The following UPRT variants were observed in gnomAD, a reference collection of about 807,000 sequenced individuals.
UPRT encodes the protein RP11-311P8.3.
In UPRT, 5 loss-of-function variants were observed where a neutral mutation model predicts 22.6. That is an observed-to-expected ratio of 0.22 (90% CI 0.12 to 0.47). The LOEUF (loss-of-function observed/expected upper bound fraction) is 0.47. Ranked by LOEUF, UPRT falls within the 20% of genes least tolerant of loss-of-function variation. UPRT has a pLI of 0.99. For synonymous variants in UPRT, 77 were observed against 87.7 expected (o/e 0.88, Z 0.68); for missense variants, 181 against 239.9 (o/e 0.75, Z 1.62).
chrX:75,303,538 T>C lies in UPRT; in HGVS notation c.*27T>C. The C allele has an allele frequency of 4.7e-6, 5 of 1,055,329 alleles. No individual in the cohort carries two copies. In the South Asian group the frequency reaches 6.2e-5, roughly 13 times the overall value. 87.0% of individuals were successfully genotyped at this position (1,055,329 alleles called of 1,213,427 possible). A position where few individuals can be genotyped will look rare whatever the true frequency, so the allele number is the denominator to read the frequency against. On this transcript the variant is annotated 3_prime_UTR_variant, in exon 7 of 7. Transcript: ENST00000373383. ...TTATTTAAGTAAAATAATTATCTTA[T>C]GTAATATTACAATCATGTTTTGATT...
In UPRT at chrX:75,303,582, T is replaced by C. The variant is rs1281086304; in HGVS notation, c.*71T>C. The C allele has an allele frequency of 1.1e-5, 10 of 906,454 alleles. No homozygotes were observed. In the Admixed American group the frequency reaches 1.9e-4, roughly 17 times the overall value. The allele number at this position is 906,454 out of a possible 1,213,427, so 74.7% of individuals were successfully genotyped here. On this transcript the variant is annotated 3_prime_UTR_variant, in exon 7 of 7. Coordinates refer to ENST00000373383, the MANE Select transcript of UPRT (RefSeq NM_145052.4). ...TTTGATTTTCTATTTGTTTTACTGATTCACTTGAGGGTGGCAGAGAAAAAT... is the reference window on the plus strand; with the variant it reads ...TTTGATTTTCTATTTGTTTTACTGACTCACTTGAGGGTGGCAGAGAAAAAT...
chrX:75,232,124 T>C (rs960508486), intron 4 of UPRT, among the ~76,000 whole-genome samples: 7 of 112,301 alleles, frequency 6.2e-5, no homozygotes, highest in Non-Finnish European at 1.3e-4. Context: ...TTGCCTCACT[T>C]GGGAAGGGCA....
At chrX:75,166,706 A>G in intron 3 of UPRT, among the ~76,000 whole-genome samples, 1 of 112,475 alleles carries the variant, frequency 8.9e-6, no homozygotes, top group South Asian at 3.7e-4. Context: ...GAAGAAACAG[A>G]GCATTAACAA....
chrX:75,190,710 C>G (rs190156872), intron 4 of UPRT, among the ~76,000 whole-genome samples: 5 of 111,633 alleles, frequency 4.5e-5, no homozygotes, highest in African/African-American at 9.8e-5. Flanking sequence ...CTTCTCTTCT[C>G]GCTTCATTTC....
intron 3 of UPRT, among the ~76,000 whole-genome samples, chrX:75,167,300 T>C (rs2082215655): frequency 8.9e-6 from 1 of 112,247 alleles, no homozygotes; most frequent in African/African-American, 3.2e-5. Context: ...TTCTTTTTTA[T>C]ATACAAGCAC....
At chrX:75,164,675 T>C (rs1031024124) in intron 3 of UPRT, among the ~76,000 whole-genome samples, 1 of 111,963 alleles carries the variant, frequency 8.9e-6, no homozygotes, top group Non-Finnish European at 1.9e-5. Flanking sequence ...AAATATGTTC[T>C]AAAGTTGATT....
intron 4 of UPRT, among the ~76,000 whole-genome samples, chrX:75,235,784 G>T (rs184415170): frequency 1.3e-3 from 141 of 111,800 alleles, no homozygotes; most frequent in African/African-American, 4.2e-3. Context: ...ATTAGGTATT[G>T]CTGGGATGTA....
intron 4 of UPRT, among the ~76,000 whole-genome samples, chrX:75,252,016 A>G (rs1015635869): frequency 2.7e-5 from 3 of 112,476 alleles, no homozygotes; most frequent in Non-Finnish European, 5.6e-5. Flanking sequence ...CAGATGTAGA[A>G]AGCTGAAACT....
rs2082751351 is a variant in UPRT at position 75,303,454 on chromosome X, T to C, written c.873T>C (p.Thr291=). Residue 291 remains threonine (T), a synonymous_variant, in exon 7 of 7, where the codon ACT becomes ACC. Transcript: ENST00000373383. ...TTCCAGAGATCACAATTTTAACTACTGAAGTTCATCCTGTTGCACCTACAC... is the reference window on the plus strand; with the variant it reads ...TTCCAGAGATCACAATTTTAACTACCGAAGTTCATCCTGTTGCACCTACAC... ...QEFPEITILT[T]EVHPVAPTHF... is the part of the protein sequence containing the mutation. 5.0e-6 allele frequency: 6 copies of C among 1,208,625 alleles called. No individual in the cohort carries two copies. The highest frequency in any genetic ancestry group is 6.7e-6 in the Non-Finnish European group (6 of 894,547).
chrX:75,201,397 G>T (rs182235056), intron 4 of UPRT: 1 of 112,519 alleles, frequency 8.9e-6, no homozygotes, highest in Non-Finnish European at 1.9e-5. Context: ...GTTTCTTGAA[G>T]ACAGAAATAG....
intron 4 of UPRT, among the ~76,000 whole-genome samples, chrX:75,176,606 G>GT (rs1481917434): frequency 9.0e-6 from 1 of 111,120 alleles, no homozygotes; most frequent in Non-Finnish European, 1.9e-5. Context: ...ATAGCCTGGG[G>GT]TTTTTTGTGG....
chrX:75,244,031 T>C (rs1428652530), intron 4 of UPRT, among the ~76,000 whole-genome samples: 2 of 111,535 alleles, frequency 1.8e-5, no homozygotes, highest in Non-Finnish European at 3.8e-5. Context: ...ATATTACAAT[T>C]CTAGGTTGCA....
intron 4 of UPRT, among the ~76,000 whole-genome samples, chrX:75,197,752 C>T (rs1333282223): frequency 9.0e-6 from 1 of 111,692 alleles, no homozygotes; most frequent in Non-Finnish European, 1.9e-5. Flanking sequence ...AATTAGTCTT[C>T]AGAGAAAAGC....
intron 4 of UPRT, among the ~76,000 whole-genome samples, chrX:75,211,923 G>C (rs922931703): frequency 1.3e-4 from 15 of 111,593 alleles, no homozygotes; most frequent in African/African-American, 4.9e-4. Context: ...TATAGGCTTG[G>C]GCAATTCATA....
intron 4 of UPRT, among the ~76,000 whole-genome samples, chrX:75,185,118 C>T (rs1240466202): frequency 1.8e-5 from 2 of 111,559 alleles, no homozygotes; most frequent in African/African-American, 3.3e-5. Flanking sequence ...AGGGAATGCT[C>T]CGAGGTTTTG....
intron 4 of UPRT, among the ~76,000 whole-genome samples, chrX:75,187,206 AG>A (rs1569261676): frequency 9.0e-6 from 1 of 111,337 alleles, no homozygotes; most frequent in Non-Finnish European, 1.9e-5. Context: ...GAGCTCTTTT[AG>A]GGCAGGCCTG....
chrX:75,211,630 T>G (rs1000694997), intron 4 of UPRT, among the ~76,000 whole-genome samples: 1 of 110,260 alleles, frequency 9.1e-6, no homozygotes, highest in African/African-American at 3.3e-5. Flanking sequence ...GATGAGAAAA[T>G]GAGGGAAGCA....
At chrX:75,178,667 A>G (rs915039131) in intron 4 of UPRT, among the ~76,000 whole-genome samples, 1 of 108,970 alleles carries the variant, frequency 9.2e-6, no homozygotes, top group Non-Finnish European at 1.9e-5. Context: ...TACAGCTCTT[A>G]AGGCAGCGCA....
chrX:75,274,775 GGTGT>G (rs201034223), intron 1 of UPRT, 135 bp downstream of exon 1: 15,200 of 350,236 alleles, frequency 0.043, 162 homozygotes, highest in East Asian at 0.19. Context: ...CCTTTTATTT[GGTGT>G]GTGTGTGTGT....
Sources: gnomAD v4.1 joint callset for allele counts (sites outside exome capture counted in the v4.1 genomes callset) on GRCh38, gnomAD v4.1.1 for gene constraint, MANE v1.5 for transcripts, NCBI Gene and HGNC (gene_info 2026-07-23, HGNC 2026-07-21) for gene names.